The following SIL1 variants were observed in gnomAD, a reference collection of about 807,000 sequenced individuals.
SIL1 encodes the protein nucleotide exchange factor SIL1.
A neutral mutation model predicts 49.1 loss-of-function variants in SIL1; 40 were observed. That is an observed-to-expected ratio of 0.81 (90% CI 0.63 to 1.06). SIL1 has a LOEUF of 1.06. Ranked by LOEUF, SIL1 falls within the 50% of genes least tolerant of loss-of-function variation. The pLI is 0.00. For missense variants in SIL1, 500 were observed against 572.6 expected (o/e 0.87, Z 1.29); for synonymous variants, 253 against 250.8 (o/e 1.01, Z -0.08).
chr5:139,137,376 C>T (rs562785866), intron 1 of SIL1: 9 of 553,638 alleles, frequency 1.6e-5, no homozygotes, highest in East Asian at 1.2e-4. Flanking sequence ...GAATTCAAAG[C>T]CAGTTTGGCC....
intron 7 of SIL1, among the ~76,000 whole-genome samples, chr5:138,975,199 G>C (rs983251168): frequency 6.6e-6 from 1 of 152,196 alleles, no homozygotes; most frequent in Admixed American, 6.5e-5. Flanking sequence ...GAAGCCTATA[G>C]GAAGGGGCTG....
intron 4 of SIL1, among the ~76,000 whole-genome samples, chr5:139,048,369 G>GTTTTTTTTTTTTTTTTTTTTTTT: frequency 1.1e-5 from 1 of 87,760 alleles, no homozygotes; most frequent in Non-Finnish European, 2.2e-5. Context: ...TTTGTTGTTG[G>GTTTTTTTTTTTTTTTTTTTTTTT]TTTTTTTTTT....
chr5:139,195,544 C>T (rs1439945742), intron 1 of SIL1, among the ~76,000 whole-genome samples: 1 of 152,124 alleles, frequency 6.6e-6, no homozygotes, highest in African/African-American at 2.4e-5. Context: ...CCCACCACCT[C>T]GCCCGGGTAA....
chr5:138,992,714 G>A (rs1224505022), intron 7 of SIL1, among the ~76,000 whole-genome samples: 4 of 152,016 alleles, frequency 2.6e-5, no homozygotes, highest in African/African-American at 7.3e-5. Context: ...TTGGGGACTC[G>A]GGGAAGGGTG....
At chr5:139,105,464 C>CA (rs573613218) in intron 3 of SIL1, among the ~76,000 whole-genome samples, 29 of 150,066 alleles carry the variant, frequency 1.9e-4, no homozygotes, top group Non-Finnish European at 3.0e-4. Context: ...AGAAATCTAT[C>CA]AAAAAAAAAA....
chr5:139,058,751 G>C (rs1267326471), intron 3 of SIL1, among the ~76,000 whole-genome samples: 1 of 151,950 alleles, frequency 6.6e-6, no homozygotes, highest in Non-Finnish European at 1.5e-5. Context: ...TTACTTTCTG[G>C]TTCCATAAGA....
chr5:139,145,655 TGTGTGTGTG>T (rs1751181897), intron 1 of SIL1, among the ~76,000 whole-genome samples: 1 of 148,600 alleles, frequency 6.7e-6, no homozygotes. Flanking sequence ...TGTGTGTGTG[TGTGTGTGTG>T]TGTGTGTGTG....
At chr5:139,168,273 T>C (rs1413475410) in intron 1 of SIL1, among the ~76,000 whole-genome samples, 6 of 152,248 alleles carry the variant, frequency 3.9e-5, no homozygotes, top group Admixed American at 1.3e-4. Flanking sequence ...TATGGCTGTA[T>C]TTTGGAACTC....
intron 8 of SIL1, 75 bp from the exon 9 acceptor site, chr5:138,951,410 A>C (rs759319010): frequency 2.8e-5 from 41 of 1,472,964 alleles, no homozygotes; most frequent in Non-Finnish European, 3.5e-5. Context: ...GAAGGCAGGC[A>C]GAGGTGCCCC....
chr5:139,073,780 G>T (rs929019090), intron 3 of SIL1, among the ~76,000 whole-genome samples: 1 of 151,812 alleles, frequency 6.6e-6, no homozygotes, highest in African/African-American at 2.4e-5. Flanking sequence ...CAAAAAATTC[G>T]CCAGGCTTGG....
At chr5:139,182,203 C>T (rs80007439) in intron 1 of SIL1, among the ~76,000 whole-genome samples, 4,817 of 152,246 alleles carry the variant, frequency 0.032, 107 homozygotes, top group Middle Eastern at 0.085. Context: ...AGCCAGCAGG[C>T]AAGGTCCACG....
At chr5:139,135,864 AG>A (rs1750964385) in intron 1 of SIL1, among the ~76,000 whole-genome samples, 1 of 152,162 alleles carries the variant, frequency 6.6e-6, no homozygotes, top group Non-Finnish European at 1.5e-5. Context: ...CAGGAGCTCG[AG>A]ACCAGCCTGG....
intron 7 of SIL1, among the ~76,000 whole-genome samples, chr5:139,003,527 T>G (rs1444867284): frequency 6.6e-6 from 1 of 152,230 alleles, no homozygotes. Flanking sequence ...CCCTTGGGAC[T>G]ATTCCCAAAG....
intron 7 of SIL1, among the ~76,000 whole-genome samples, chr5:138,982,700 T>C (rs546046999): frequency 2.2e-4 from 34 of 152,360 alleles, no homozygotes; most frequent in Non-Finnish European, 3.7e-4. Flanking sequence ...TGCGGCCCTC[T>C]GCATCCCTGG....
At chr5:139,184,058 C>T (rs527336351) in intron 1 of SIL1, among the ~76,000 whole-genome samples, 2 of 152,116 alleles carry the variant, frequency 1.3e-5, no homozygotes, top group Non-Finnish European at 2.9e-5. Flanking sequence ...TTAGGTTTCT[C>T]CAAAAAGTGG....
intron 5 of SIL1, among the ~76,000 whole-genome samples, chr5:139,040,498 C>CTTTTTTTTTTTTTTTTT (rs11312366): frequency 9.5e-6 from 1 of 105,328 alleles, no homozygotes; most frequent in Non-Finnish European, 1.9e-5. Context: ...TTTCTTTTTT[C>CTTTTTTTTTTTTTTTTT]TTTTTTTTTT....
At position 138,980,747 on chromosome 5, in the gene SIL1, T is replaced by C. The variant is rs1218306649; in HGVS notation, c.768-28863A>G. ...TTAGAAAGAAAGGGTGGTATCTATT[T>C]TTAAAGTGGCTGAATAAACAGTAAA... On this transcript the variant is annotated intron_variant, in intron 7 of 9. Transcript: ENST00000394817. Among the ~76,000 whole-genome samples, 3 of 152,204 alleles carry C rather than the reference T, an allele frequency of 2.0e-5. No individual in the cohort carries two copies. The East Asian group carries it at 5.8e-4, about 29-fold the overall frequency.
At chr5:139,063,359 G>T (rs1440636985) in intron 3 of SIL1, among the ~76,000 whole-genome samples, 1 of 152,118 alleles carries the variant, frequency 6.6e-6, no homozygotes, top group Non-Finnish European at 1.5e-5. Flanking sequence ...AAAGAAAACT[G>T]GGGCTAAAGG....
At chr5:139,011,329 C>G (rs970598147) in intron 7 of SIL1, among the ~76,000 whole-genome samples, 1 of 138,978 alleles carries the variant, frequency 7.2e-6, no homozygotes, top group Non-Finnish European at 1.6e-5. Context: ...GCTCCCGCAC[C>G]GTGCGCGCAC....
Sources: allele counts gnomAD v4.1 joint callset (sites outside exome capture counted in the v4.1 genomes callset), GRCh38; gene constraint gnomAD v4.1.1; transcripts MANE v1.5; gene names NCBI Gene and HGNC (gene_info 2026-07-23, HGNC 2026-07-21).